Variants in DNAH12 observed in about 807,000 individuals in gnomAD.
DNAH12 encodes dynein axonemal heavy chain 12.
In DNAH12, 285 loss-of-function variants were observed where a neutral mutation model predicts 371.5. The ratio of observed to expected loss-of-function variants is 0.77; its 90% CI spans 0.70 to 0.85. The LOEUF is 0.85. DNAH12 is among the 40% of genes least tolerant of loss of function. The pLI, the probability that DNAH12 is intolerant of heterozygous loss-of-function variation, is 0.00. For missense variants in DNAH12, 3,611 were observed against 3,689.4 expected (o/e 0.98, Z 0.55); for synonymous variants, 1,200 against 1,213.0 (o/e 0.99, Z 0.22).
chr3:57,388,607 T>G (rs2063544016), intron 45 of DNAH12, among the ~76,000 whole-genome samples: 2 of 152,184 alleles, frequency 1.3e-5, no homozygotes, highest in South Asian at 4.1e-4. Flanking sequence ...AGTGAAATTT[T>G]ATAAAATGCC....
chr3:57,447,634 G>A (rs189361655), intron 25 of DNAH12, among the ~76,000 whole-genome samples: 44 of 152,110 alleles, frequency 2.9e-4, no homozygotes, highest in African/African-American at 9.6e-4. Context: ...ATCCAAGAGA[G>A]ACAGCTAGTG....
intron 65 of DNAH12, among the ~76,000 whole-genome samples, chr3:57,318,521 C>T (rs1038419871): frequency 2.0e-5 from 3 of 151,904 alleles, no homozygotes; most frequent in African/African-American, 7.3e-5. Flanking sequence ...GTCTGTATGT[C>T]TGACTTTATA....
chr3:57,453,676 T>C (rs6445883), intron 23 of DNAH12, among the ~76,000 whole-genome samples: 99,605 of 151,554 alleles, frequency 0.66, 33,031 homozygotes, highest in South Asian at 0.75. Context: ...TGGGTTCAAG[T>C]GATTCTCCTG....
At chr3:57,457,589 G>T in intron 22 of DNAH12, 132 bp downstream of exon 22, 1 of 1,023,008 alleles carries the variant, frequency 9.8e-7, no homozygotes. Flanking sequence ...AATAATGTTA[G>T]AAACAAAGAA....
At chr3:57,333,782 C>T (rs996884278) in intron 62 of DNAH12, among the ~76,000 whole-genome samples, 1 of 152,152 alleles carries the variant, frequency 6.6e-6, no homozygotes, top group African/African-American at 2.4e-5. Flanking sequence ...AAATCTAACT[C>T]ATCAACAATG....
At chr3:57,347,645 G>A (rs1322126188) in intron 60 of DNAH12, among the ~76,000 whole-genome samples, 1 of 151,636 alleles carries the variant, frequency 6.6e-6, no homozygotes, top group Non-Finnish European at 1.5e-5. Flanking sequence ...GAACCCAGGA[G>A]GCGGAGGTTG....
intron 11 of DNAH12, among the ~76,000 whole-genome samples, chr3:57,496,008 C>A (rs1478195766): frequency 6.9e-6 from 1 of 145,748 alleles, no homozygotes; most frequent in Non-Finnish European, 1.5e-5. Flanking sequence ...TATATAAGAT[C>A]AGGGACTTAA....
At chr3:57,433,257 C>A in intron 32 of DNAH12, 110 bp downstream of exon 32, 1 of 1,268,184 alleles carries the variant, frequency 7.9e-7, no homozygotes, top group Non-Finnish European at 1.0e-6. Context: ...CAACTTGCTG[C>A]ATCCTTTATT....
intron 4 of DNAH12, among the ~76,000 whole-genome samples, chr3:57,512,148 T>C (rs2068022706): frequency 6.6e-6 from 1 of 152,176 alleles, no homozygotes; most frequent in South Asian, 2.1e-4. Context: ...AGAAAATATT[T>C]GCAACATACA....
At chr3:57,347,481 C>G (rs1185438890) in intron 60 of DNAH12, among the ~76,000 whole-genome samples, 1 of 152,046 alleles carries the variant, frequency 6.6e-6, no homozygotes, top group Non-Finnish European at 1.5e-5. Context: ...TTTGTGAGGC[C>G]AAGGCAGGCA....
chr3:57,433,182 A>C (rs1033877135), intron 32 of DNAH12, among the ~76,000 whole-genome samples, 185 bp downstream of exon 32: 3 of 151,922 alleles, frequency 2.0e-5, no homozygotes, highest in African/African-American at 7.2e-5. Flanking sequence ...TACAAAAAAA[A>C]AAAAAAATTA....
At chr3:57,469,342 T>C (rs1262171838) in intron 16 of DNAH12, among the ~76,000 whole-genome samples, 1 of 152,130 alleles carries the variant, frequency 6.6e-6, no homozygotes, top group Non-Finnish European at 1.5e-5. Context: ...ACAGATGCTG[T>C]GGAGAAAAGG....
rs2061548511 is a variant in DNAH12, at chr3:57,309,726, T to C, written c.11025A>G (p.Thr3675=). 1 of 1,550,746 alleles carries C rather than the reference T, an allele frequency of 6.4e-7. No individual in the cohort carries two copies. The highest frequency in any genetic ancestry group is 8.7e-7 in the Non-Finnish European group (1 of 1,146,696). Residue 3675 remains threonine, a synonymous_variant, in exon 68 of 74, where the codon ACA becomes ACG. Coordinates refer to ENST00000495027, the MANE Select transcript of DNAH12 (RefSeq NM_001366028.2). The part of the protein sequence containing the change: ...LLLTQGGSKQ[T]GASGSTDQIL... ...TCTGATCAGTACTTCCTGAGGCTCC[T>C]GTCTGTTTGGAGCCTCCCTGGGTGA...
chr3:57,450,378 G>A (rs896254779), intron 25 of DNAH12, among the ~76,000 whole-genome samples: 4 of 150,492 alleles, frequency 2.7e-5, no homozygotes, highest in Non-Finnish European at 5.9e-5. Flanking sequence ...GAGAAACCCT[G>A]TCTCTACCAA....
intron 43 of DNAH12, among the ~76,000 whole-genome samples, chr3:57,399,872 T>C (rs2063821139): frequency 6.6e-6 from 1 of 152,238 alleles, no homozygotes; most frequent in South Asian, 2.1e-4. Flanking sequence ...CTGGCGTACT[T>C]TATTATAAGA....
At chr3:57,426,241 G>C (rs77351213) in intron 34 of DNAH12, among the ~76,000 whole-genome samples, 4 of 152,148 alleles carry the variant, frequency 2.6e-5, no homozygotes, top group African/African-American at 7.2e-5. Flanking sequence ...AAATACACAA[G>C]AGTCAGATCC....
rs1245971495 is a variant in DNAH12 at position 57,505,049 on chromosome 3, G to T, written c.898-845C>A. Reference sequence around the variant, plus strand: ...ACTACATTCACAAGCTACCACGCCTGGCTAATTTTTGTATTTTTTGTAGAG... The same window carrying T: ...ACTACATTCACAAGCTACCACGCCTTGCTAATTTTTGTATTTTTTGTAGAG... On this transcript the variant is annotated intron_variant, in intron 8 of 73. Coordinates refer to ENST00000495027, the MANE Select transcript of DNAH12 (RefSeq NM_001366028.2). Among the ~76,000 whole-genome samples, 4 of 151,908 alleles carry T rather than the reference G, an allele frequency of 2.6e-5. No individual in the cohort carries two copies. The South Asian group carries it at 8.3e-4, about 32-fold the overall frequency.
At chr3:57,339,349 C>T (rs1229812793) in intron 60 of DNAH12, among the ~76,000 whole-genome samples, 31 of 149,616 alleles carry the variant, frequency 2.1e-4, no homozygotes, top group African/African-American at 6.4e-4. Context: ...TCCCCCTCTC[C>T]GAGAAACACC....
rs575906776 is a variant in DNAH12, at chr3:57,458,322, G to C, written c.2932-102C>G. On this transcript the variant is annotated intron_variant, in intron 20 of 73. Transcript: ENST00000495027. ...ATGTTAAAATCTTTTAATGTTAAAA[G>C]GTTTATGAAAAAATGTCAAAGGTTT... 6.1e-5 allele frequency: 80 copies of C among 1,300,976 alleles called. No individual in the cohort carries two copies. In the South Asian group the frequency reaches 1.1e-3, roughly 19 times the overall value. The allele number at this position is 1,300,976 out of a possible 1,614,324, so 80.6% of individuals were successfully genotyped here. A position where few individuals can be genotyped will look rare whatever the true frequency, so the allele number is the denominator to read the frequency against.
Sources: gnomAD v4.1 joint callset for allele counts (sites outside exome capture counted in the v4.1 genomes callset) on GRCh38, gnomAD v4.1.1 for gene constraint, MANE v1.5 for transcripts, NCBI Gene and HGNC (gene_info 2026-07-23, HGNC 2026-07-21) for gene names.